Variants in GON4L observed in about 807,000 individuals in gnomAD.
GON4L encodes the protein gon-4 like, also known as GON-4-like protein.
A neutral mutation model predicts 211.8 loss-of-function variants in GON4L; 87 were observed. The ratio of observed to expected loss-of-function variants is 0.41; its 90% confidence interval spans 0.35 to 0.49. The LOEUF (loss-of-function observed/expected upper bound fraction) is 0.49, where lower values mean the gene tolerates loss of function less well. Among genes scored for constraint, GON4L ranks in the 20% least tolerant of loss-of-function variants. The pLI is 0.15. For synonymous variants in GON4L, 875 were observed against 962.6 expected (o/e 0.91, Z 1.68); for missense variants, 2,155 against 2,659.5 (o/e 0.81, Z 4.17).
chr1:155,759,497 C>T (rs1661541465), intron 24 of GON4L, among the ~76,000 whole-genome samples: 1 of 152,062 alleles, frequency 6.6e-6, no homozygotes, highest in Non-Finnish European at 1.5e-5. Flanking sequence ...TCGCTTGAAC[C>T]CAGGAGGCGG....
intron 17 of GON4L, chr1:155,774,750 G>A (rs912295375): frequency 5.2e-6 from 3 of 578,382 alleles, no homozygotes; most frequent in Admixed American, 2.9e-5. Context: ...TCTTAGCACT[G>A]AGCCTCAGAT....
intron 12 of GON4L, among the ~76,000 whole-genome samples, chr1:155,787,072 C>T (rs1323148742): frequency 2.1e-5 from 3 of 142,510 alleles, no homozygotes; most frequent in Non-Finnish European, 4.6e-5. Flanking sequence ...CAGGCGCCTG[C>T]CACCGTGCCT....
chr1:155,785,862 C>G (rs1325909776), intron 12 of GON4L, among the ~76,000 whole-genome samples: 1 of 152,076 alleles, frequency 6.6e-6, no homozygotes, highest in Admixed American at 6.6e-5. Flanking sequence ...TTTGGGAGGC[C>G]AAGACAGATG....
chr1:155,818,056 T>C (rs1349907682), intron 6 of GON4L, among the ~76,000 whole-genome samples: 1 of 152,034 alleles, frequency 6.6e-6, no homozygotes, highest in African/African-American at 2.4e-5. Flanking sequence ...ATAAACATAA[T>C]TCAGAGCCTA....
chr1:155,803,569 T>A (rs950668779), intron 11 of GON4L, among the ~76,000 whole-genome samples: 1 of 152,184 alleles, frequency 6.6e-6, no homozygotes, highest in Non-Finnish European at 1.5e-5. Flanking sequence ...ATCCAAACTT[T>A]TATCTGATCA....
Position 155,810,008 on chromosome 1 carries a change from A to T in GON4L, c.1452+3626T>A, listed in dbSNP as rs566266936. The stretch of plus-strand genomic sequence containing the variant: ...TATATATAATTATATATATATATAT[A>T]TTTTTGAAATGTAGTCTTGCTCTGT... On this transcript the variant is annotated intron_variant, in intron 10 of 31. Coordinates refer to ENST00000368331, the MANE Select transcript of GON4L (RefSeq NM_001282860.2). 6.2e-4 allele frequency among the ~76,000 whole-genome samples: 67 copies of T among 107,914 alleles called. 2 individuals are homozygous for T. The highest frequency in any genetic ancestry group is 1.9e-3 in the African/African-American group (55 of 28,528). 70.8% of individuals were successfully genotyped at this position (107,914 alleles called of 152,430 possible). A position where few individuals can be genotyped will look rare whatever the true frequency, so the allele number is the denominator to read the frequency against.
intron 12 of GON4L, among the ~76,000 whole-genome samples, chr1:155,790,251 C>T (rs896215859): frequency 6.6e-6 from 1 of 152,094 alleles, no homozygotes; most frequent in African/African-American, 2.4e-5. Context: ...AGGCGTGAGC[C>T]ACCACACCCG....
At chr1:155,768,610 CA>C (rs767701993) in intron 19 of GON4L, among the ~76,000 whole-genome samples, 5,451 of 116,466 alleles carry the variant, frequency 0.047, 116 homozygotes, top group Non-Finnish European at 0.059. Context: ...GACTCCATCT[CA>C]AAAAAAAAAA....
intron 2 of GON4L, among the ~76,000 whole-genome samples, chr1:155,843,291 A>G (rs1670945306): frequency 1.3e-5 from 2 of 152,192 alleles, no homozygotes; most frequent in African/African-American, 4.8e-5. Context: ...AATAGCCTGC[A>G]TGATTGCAGA....
chr1:155,760,994 C>T (rs1414714844), intron 23 of GON4L, among the ~76,000 whole-genome samples: 5 of 151,972 alleles, frequency 3.3e-5, no homozygotes, highest in South Asian at 4.1e-4. Context: ...TCAGCATGGG[C>T]GTAATTTGAG....
chr1:155,753,525 T>C (rs1660834881), intron 28 of GON4L, 111 bp from the exon 29 acceptor site: 1 of 750,128 alleles, frequency 1.3e-6, no homozygotes, highest in Non-Finnish European at 2.3e-6. Flanking sequence ...CCCACATGCA[T>C]GTCTGCTCCA....
intron 10 of GON4L, among the ~76,000 whole-genome samples, chr1:155,807,730 A>AAAAAAG (rs1395575383): frequency 1.8e-4 from 26 of 143,880 alleles, no homozygotes; most frequent in African/African-American, 6.8e-4. Flanking sequence ...AAAAAAGAAA[A>AAAAAAG]TCAGAAAGTG....
At chr1:155,793,115 T>A (rs1464632326) in intron 12 of GON4L, among the ~76,000 whole-genome samples, 1 of 152,042 alleles carries the variant, frequency 6.6e-6, no homozygotes, top group African/African-American at 2.4e-5. Context: ...ATTTTCTAGG[T>A]TTTTCTTGTA....
At chr1:155,802,656 A>G (rs138347399) in intron 11 of GON4L, among the ~76,000 whole-genome samples, 1 of 152,336 alleles carries the variant, frequency 6.6e-6, no homozygotes, top group African/African-American at 2.4e-5. Context: ...CAACAACTTC[A>G]TTCATTTACA....
rs373659464 is a variant in GON4L, at chr1:155,757,137, G to A, written c.5397+43C>T. 8.1e-6 allele frequency: 13 copies of A among 1,613,670 alleles called. No individual in the cohort carries two copies. The African/African-American group carries it at 1.6e-4, about 20-fold the overall frequency. ...CAGGCCAATATCCCTCCCACGTGTG[G>A]CCTTCCCCCTTCATAAGGCTACAGC... On this transcript the variant is annotated intron_variant, in intron 26 of 31. Coordinates refer to ENST00000368331, the MANE Select transcript of GON4L (RefSeq NM_001282860.2).
rs545325546 is a variant in GON4L, at chr1:155,784,102, G to A, written c.1789-13C>T. 28 of 1,613,416 alleles carry A rather than the reference G, an allele frequency of 1.7e-5. No individual in the cohort carries two copies. In the South Asian group the frequency reaches 3.0e-4, roughly 17 times the overall value. Reference sequence around the variant, plus strand: ...TCTCATCTTGGAACTGTGGGCAAAGGAAAGGGAGGGTTTTCCTGGGGAATG... The same window carrying A: ...TCTCATCTTGGAACTGTGGGCAAAGAAAAGGGAGGGTTTTCCTGGGGAATG... On this transcript the variant is annotated splice_polypyrimidine_tract_variant and intron_variant, in intron 13 of 31. Coordinates refer to ENST00000368331, the MANE Select transcript of GON4L (RefSeq NM_001282860.2).
intron 14 of GON4L, among the ~76,000 whole-genome samples, chr1:155,781,449 A>AATT (rs111687720): frequency 6.7e-6 from 1 of 149,708 alleles, no homozygotes; most frequent in African/African-American, 2.5e-5. Context: ...CCTGATCTAT[A>AATT]ATTATTATTA....
intron 6 of GON4L, among the ~76,000 whole-genome samples, chr1:155,816,773 T>TTAAAAAAA (rs377228820): frequency 1.3e-5 from 1 of 78,082 alleles, no homozygotes; most frequent in Non-Finnish European, 2.3e-5. Flanking sequence ...TTTTTTTTCT[T>TTAAAAAAA]AAAAAAAAAA....
At chr1:155,834,470 T>G (rs2102368144) in intron 2 of GON4L, among the ~76,000 whole-genome samples, 1 of 152,256 alleles carries the variant, frequency 6.6e-6, no homozygotes, top group Non-Finnish European at 1.5e-5. Flanking sequence ...TTACTAAACT[T>G]CAATCTCAGA....
Sources: allele counts gnomAD v4.1 joint callset (sites outside exome capture counted in the v4.1 genomes callset), GRCh38; gene constraint gnomAD v4.1.1; transcripts MANE v1.5; gene names NCBI Gene and HGNC (gene_info 2026-07-23, HGNC 2026-07-21).